Variants in MTUS2 observed in about 807,000 individuals in gnomAD.
MTUS2 encodes the protein microtubule-associated tumor suppressor candidate 2.
In MTUS2, 40 loss-of-function variants were observed where a neutral mutation model predicts 114.1. That is an observed-to-expected ratio of 0.35 (90% CI 0.27 to 0.46). The LOEUF (loss-of-function observed/expected upper bound fraction) is 0.46. Ranked by LOEUF, MTUS2 falls within the 20% of genes least tolerant of loss-of-function variation. The pLI is 1.00. For missense variants in MTUS2, 1,679 were observed against 1,705.4 expected (o/e 0.98, Z 0.27); for synonymous variants, 688 against 672.0 (o/e 1.02, Z -0.37).
At chr13:29,240,554 A>G (rs1896694657) in intron 5 of MTUS2, among the ~76,000 whole-genome samples, 1 of 148,506 alleles carries the variant, frequency 6.7e-6, no homozygotes, top group Non-Finnish European at 1.5e-5. Context: ...TGTGAATCAC[A>G]GTTGTAATAC....
rs182961314 is a variant in MTUS2, at chr13:29,471,236, G to A, written c.3185-8914G>A. On this transcript the variant is annotated intron_variant, in intron 9 of 15. Coordinates refer to ENST00000612955, the MANE Select transcript of MTUS2 (RefSeq NM_001033602.4). ...CGCGTGCCTGTAATCCCAGCTACTC[G>A]GGAGGCTGAGGCAGGAGAATCGCTT... Among the ~76,000 whole-genome samples the A allele has an allele frequency of 6.2e-3, 938 of 152,082 alleles. 8 individuals carry two copies. The highest frequency in any genetic ancestry group is 0.021 in the African/African-American group (884 of 41,454).
At chr13:29,442,435 C>T (rs543067168) in intron 9 of MTUS2, among the ~76,000 whole-genome samples, 1 of 152,310 alleles carries the variant, frequency 6.6e-6, no homozygotes, top group Admixed American at 6.5e-5. Context: ...TGTGATTGGG[C>T]CCCACACAAC....
rs9551687 is a variant in MTUS2 at position 29,471,024 on chromosome 13, T to A, written c.3185-9126T>A. Among the ~76,000 whole-genome samples, 288 of 152,286 alleles carry A rather than the reference T, an allele frequency of 1.9e-3. 9 individuals are homozygous for A. In the East Asian group the frequency reaches 0.047, roughly 25 times the overall value. On this transcript the variant is annotated intron_variant, in intron 9 of 15. Transcript: ENST00000612955. Reference sequence around the variant, plus strand: ...TTCTATTTCACTTTCTTTACTGCACTTATCTAAAATTTTTACTATCTGAAA... The same window carrying A: ...TTCTATTTCACTTTCTTTACTGCACATATCTAAAATTTTTACTATCTGAAA...
In MTUS2 at chr13:28,820,563, A is replaced by C. The variant is rs1037198284; in HGVS notation, c.-364A>C. 6.6e-6 allele frequency: 1 copy of C among 152,498 alleles called. No individual in the cohort carries two copies. The highest frequency in any genetic ancestry group is 2.4e-5 in the African/African-American group (1 of 41,458). The allele number at this position is 152,498 out of a possible 1,614,324, so 9.4% of individuals were successfully genotyped here. A position where few individuals can be genotyped will look rare whatever the true frequency, so the allele number is the denominator to read the frequency against. ...CCGAGATGAGCGTCTCCGTGAGGGC[A>C]GTGGTGGCCTCTTGGACATTACATC... On this transcript the variant is annotated 5_prime_UTR_variant, in exon 1 of 16. Transcript: ENST00000612955.
intron 8 of MTUS2, among the ~76,000 whole-genome samples, chr13:29,361,867 A>G (rs1870285163): frequency 6.6e-6 from 1 of 152,210 alleles, no homozygotes; most frequent in Non-Finnish European, 1.5e-5. Flanking sequence ...ATGCACGTGT[A>G]TCTTTTGTAC....
At chr13:29,464,188 G>A (rs7985850) in intron 9 of MTUS2, among the ~76,000 whole-genome samples, 3,370 of 152,282 alleles carry the variant, frequency 0.022, 110 homozygotes, top group African/African-American at 0.072. Flanking sequence ...TGGAGAGGAC[G>A]GCTGTGAGCA....
chr13:29,447,020 G>C (rs1878333182), intron 9 of MTUS2, among the ~76,000 whole-genome samples: 1 of 152,062 alleles, frequency 6.6e-6, no homozygotes. Context: ...CTTGAGCACC[G>C]ACCTGATGCT....
chr13:29,100,707 C>A, intron 4 of MTUS2, 66 bp from the exon 5 acceptor site: 1 of 1,508,912 alleles, frequency 6.6e-7, no homozygotes, highest in Non-Finnish European at 9.0e-7. Context: ...AATTCATAAT[C>A]TGTAGAATTC....
chr13:29,198,675 A>C (rs1307273728), intron 5 of MTUS2, among the ~76,000 whole-genome samples: 1 of 152,198 alleles, frequency 6.6e-6, no homozygotes, highest in Non-Finnish European at 1.5e-5. Flanking sequence ...GGCCATTTTC[A>C]TGAAATTGAT....
At chr13:29,320,961 A>T (rs1170503482) in intron 6 of MTUS2, among the ~76,000 whole-genome samples, 14 of 152,218 alleles carry the variant, frequency 9.2e-5, no homozygotes, top group Admixed American at 9.2e-4. Context: ...TGGGAGGACA[A>T]TTGACTAGGA....
intron 9 of MTUS2, among the ~76,000 whole-genome samples, chr13:29,475,798 C>G (rs535469588): frequency 4.6e-5 from 7 of 152,090 alleles, no homozygotes; most frequent in Non-Finnish European, 1.0e-4. Context: ...TTGAAAAAAT[C>G]AAAAAGTTTG....
In MTUS2 at chr13:28,907,997, TG is replaced by T. The variant is rs1406559493; in HGVS notation, c.-243+68148del. On this transcript the variant is annotated intron_variant, in intron 2 of 15. Transcript: ENST00000612955. ...TTTGGCTGCTTTCAAGATTTTTCTTTGTATTTAGTTTTGAGATGTTTAATCG... is the reference window on the plus strand; with the variant it reads ...TTTGGCTGCTTTCAAGATTTTTCTTTTATTTAGTTTTGAGATGTTTAATCG... Among the ~76,000 whole-genome samples, 4 of 151,528 alleles carry T rather than the reference TG, an allele frequency of 2.6e-5. 1 individual carries two copies. Among genetic ancestry groups the T allele is most frequent in the Admixed American group, 6.6e-5 (1 of 15,202 alleles).
chr13:28,904,731 A>C (rs955347431), intron 2 of MTUS2, among the ~76,000 whole-genome samples: 19 of 152,164 alleles, frequency 1.2e-4, no homozygotes, highest in Admixed American at 9.8e-4. Flanking sequence ...TGACTTGGCA[A>C]TGCGGGCTGT....
chr13:29,215,422 T>C (rs1052202316), intron 5 of MTUS2, among the ~76,000 whole-genome samples: 4 of 151,220 alleles, frequency 2.6e-5, no homozygotes, highest in Non-Finnish European at 5.9e-5. Context: ...GGAATTGTGA[T>C]CCTTTGGAGA....
rs1334694052 is a variant in MTUS2 at position 29,359,331 on chromosome 13, A to C, written c.2975A>C (p.Glu992Ala). The change falls in exon 8 of 16, where the codon GAG (glutamate) becomes GCG (alanine). Residue 992 changes from glutamate (E) to alanine (A), a missense_variant. Glu to Ala is a moderately radical substitution (Grantham distance 107). This residue lies in a region of MTUS2 where 822 missense variants were observed against 899.7 expected (regional missense o/e 0.91). Coordinates refer to ENST00000612955, the MANE Select transcript of MTUS2 (RefSeq NM_001033602.4). ...CCCAAGCCGGACCCGCAGGCCCGTG[A>C]GGCTGAGCGGCAGCTGGTGCTGCGG... is the stretch of plus-strand genomic sequence containing the variant. ...FPPKPDPQAREAERQLVLRLK... is the reference protein window; with the variant it reads ...FPPKPDPQARAAERQLVLRLK... The C allele has an allele frequency of 6.2e-7, 1 of 1,611,542 alleles. No homozygotes were observed. Among genetic ancestry groups the C allele is most frequent in the Non-Finnish European group, 8.5e-7 (1 of 1,179,010 alleles).
At chr13:29,209,148 T>C (rs1174722229) in intron 5 of MTUS2, among the ~76,000 whole-genome samples, 2 of 152,116 alleles carry the variant, frequency 1.3e-5, no homozygotes, top group Non-Finnish European at 2.9e-5. Context: ...ATATTTTCCC[T>C]TTGGACTAGT....
chr13:28,933,301 A>T (rs9551575), intron 2 of MTUS2, among the ~76,000 whole-genome samples: 12,745 of 152,224 alleles, frequency 0.084, 599 homozygotes, highest in South Asian at 0.13. Context: ...TTCAGTCTAC[A>T]GTCTGCAGGC....
At chr13:29,348,608 T>A (rs1299996298) in intron 7 of MTUS2, among the ~76,000 whole-genome samples, 1 of 152,234 alleles carries the variant, frequency 6.6e-6, no homozygotes, top group African/African-American at 2.4e-5. Flanking sequence ...TTCTATACCC[T>A]TACTGATTTT....
At chr13:29,304,094 A>G (rs1899329038) in intron 6 of MTUS2, among the ~76,000 whole-genome samples, 1 of 152,142 alleles carries the variant, frequency 6.6e-6, no homozygotes, top group African/African-American at 2.4e-5. Context: ...TGCTTAGGGA[A>G]TTCATCACCA....
Sources: gnomAD v4.1 joint callset for allele counts (sites outside exome capture counted in the v4.1 genomes callset) on GRCh38, gnomAD v4.1.1 for gene constraint, gnomAD v4.1.1 regional missense constraint, MANE v1.5 for transcripts, NCBI Gene and HGNC (gene_info 2026-07-23, HGNC 2026-07-21) for gene names.